Variants in MYCBP2 observed in about 807,000 individuals in gnomAD.
The protein encoded by MYCBP2 is E3 ubiquitin-protein ligase MYCBP2.
In MYCBP2, 120 loss-of-function variants were observed where a neutral mutation model predicts 525.3. The ratio of observed to expected loss-of-function variants is 0.23; its 90% CI spans 0.20 to 0.27. The LOEUF is 0.27. Among genes scored for constraint, MYCBP2 ranks in the 10% least tolerant of loss-of-function variants. The probability of loss-of-function intolerance (pLI) is 1.00; values close to 1 mark genes in which losing one functional copy is unlikely to be tolerated. For synonymous variants in MYCBP2, 1,894 were observed against 1,955.8 expected (o/e 0.97, Z 0.83); for missense variants, 4,149 against 5,657.1 (o/e 0.73, Z 8.55).
chr13:77,198,451 T>C (rs2062005139), intron 26 of MYCBP2, among the ~76,000 whole-genome samples: 1 of 152,206 alleles, frequency 6.6e-6, no homozygotes, highest in Non-Finnish European at 1.5e-5. Flanking sequence ...TTTTAGATAT[T>C]ATTGAGAGAA....
intron 2 of MYCBP2, among the ~76,000 whole-genome samples, chr13:77,296,046 G>T (rs956731856): frequency 2.6e-5 from 4 of 152,104 alleles, no homozygotes; most frequent in African/African-American, 4.8e-5. Context: ...TTCCCCAAAG[G>T]ACTGATCAAA....
At chr13:77,223,238 T>C (rs2065833333) in intron 20 of MYCBP2, among the ~76,000 whole-genome samples, 1 of 152,202 alleles carries the variant, frequency 6.6e-6, no homozygotes, top group Non-Finnish European at 1.5e-5. Flanking sequence ...GGTATGAATG[T>C]TGGTCTATTC....
chr13:77,066,606 C>T (rs889516529), intron 71 of MYCBP2, among the ~76,000 whole-genome samples: 3 of 152,088 alleles, frequency 2.0e-5, no homozygotes, highest in Admixed American at 2.0e-4. Flanking sequence ...GCATATATAC[C>T]TTGGTGCAAA....
chr13:77,221,990 T>C (rs994635645), intron 20 of MYCBP2, among the ~76,000 whole-genome samples: 2 of 152,338 alleles, frequency 1.3e-5, no homozygotes, highest in Middle Eastern at 3.4e-3. Context: ...TAATAGTTGT[T>C]ATACTCTGTT....
intron 3 of MYCBP2, among the ~76,000 whole-genome samples, chr13:77,282,589 C>T (rs368107169): frequency 6.6e-6 from 1 of 152,054 alleles, no homozygotes; most frequent in African/African-American, 2.4e-5. Context: ...TTGATCCCAC[C>T]CCCTCCGATC....
chr13:77,286,752 T>A (rs1192137063), intron 3 of MYCBP2, among the ~76,000 whole-genome samples: 3 of 16,646 alleles, frequency 1.8e-4, no homozygotes, highest in Middle Eastern at 0.083. Context: ...CTAGACTCCG[T>A]CTCAAAAAAA....
rs868549422 is a variant in MYCBP2, at chr13:77,093,072, G to A, written c.10367+93C>T. On this transcript the variant is annotated intron_variant, in intron 59 of 82. Transcript: ENST00000544440. Reference sequence around the variant, plus strand: ...CAGTTAGCAAAACTGGCTCACAGATGTATTAAAGAACTTCTACAGGACTCT... The same window carrying A: ...CAGTTAGCAAAACTGGCTCACAGATATATTAAAGAACTTCTACAGGACTCT... The A allele has an allele frequency of 1.3e-5, 16 of 1,246,282 alleles. 1 individual carries two copies. The Middle Eastern group carries it at 2.8e-3, about 215-fold the overall frequency. 77.2% of individuals were successfully genotyped at this position (1,246,282 alleles called of 1,614,324 possible). A position where few individuals can be genotyped will look rare whatever the true frequency, so the allele number is the denominator to read the frequency against.
intron 55 of MYCBP2, chr13:77,109,976 C>G (rs758296905): frequency 2.0e-5 from 3 of 152,130 alleles, no homozygotes; most frequent in Non-Finnish European, 4.4e-5. Flanking sequence ...GAATGTACGT[C>G]ACCTCAGGAC....
chr13:77,245,404 A>G (rs1481105071), intron 15 of MYCBP2, among the ~76,000 whole-genome samples: 1 of 152,216 alleles, frequency 6.6e-6, no homozygotes, highest in Non-Finnish European at 1.5e-5. Context: ...GCACATATTC[A>G]CTATGGAATA....
intron 51 of MYCBP2, 41 bp from the exon 52 acceptor site, chr13:77,139,377 A>G: frequency 6.3e-7 from 1 of 1,597,328 alleles, no homozygotes; most frequent in Non-Finnish European, 8.5e-7. Flanking sequence ...GCCTTCCTGT[A>G]AGTCCTATGA....
intron 16 of MYCBP2, 22 bp downstream of exon 16, chr13:77,243,784 T>C (rs1282787163): frequency 2.5e-6 from 4 of 1,610,240 alleles, no homozygotes; most frequent in African/African-American, 2.7e-5. Flanking sequence ...CAGTGTAGCA[T>C]AGTATAATCA....
At chr13:77,182,770 G>A (rs77276886) in intron 32 of MYCBP2, among the ~76,000 whole-genome samples, 3,902 of 152,302 alleles carry the variant, frequency 0.026, 81 homozygotes, top group East Asian at 0.052. Context: ...GAAGGAGGGC[G>A]GGGAGGCCTA....
chr13:77,267,424 T>TA (rs2074265833), intron 8 of MYCBP2, among the ~76,000 whole-genome samples: 5 of 147,350 alleles, frequency 3.4e-5, no homozygotes, highest in South Asian at 4.2e-4. Flanking sequence ...TAAATTAAAT[T>TA]AAATAAAATT....
At chr13:77,242,035 T>G (rs551095334) in intron 17 of MYCBP2, among the ~76,000 whole-genome samples, 1 of 152,324 alleles carries the variant, frequency 6.6e-6, no homozygotes, top group African/African-American at 2.4e-5. Context: ...AAAAAAAATT[T>G]ACTGAGCAAG....
chr13:77,196,043 A>T (rs577726588), intron 26 of MYCBP2, among the ~76,000 whole-genome samples: 1 of 152,204 alleles, frequency 6.6e-6, no homozygotes, highest in Non-Finnish European at 1.5e-5. Flanking sequence ...GAGTAAGTCT[A>T]TGGTTGGGAA....
intron 26 of MYCBP2, among the ~76,000 whole-genome samples, chr13:77,202,657 C>T (rs928475779): frequency 9.9e-5 from 15 of 151,814 alleles, no homozygotes; most frequent in African/African-American, 3.4e-4. Flanking sequence ...AAAATACTGG[C>T]AAAACGAATC....
At chr13:77,251,955 C>T (rs2071287550) in intron 14 of MYCBP2, among the ~76,000 whole-genome samples, 1 of 152,064 alleles carries the variant, frequency 6.6e-6, no homozygotes, top group South Asian at 2.1e-4. Context: ...CTCTTCCTTC[C>T]TCATTTACAA....
At chr13:77,086,782 G>A (rs1044155156) in intron 62 of MYCBP2, among the ~76,000 whole-genome samples, 11 of 151,266 alleles carry the variant, frequency 7.3e-5, no homozygotes, top group Non-Finnish European at 1.2e-4. Flanking sequence ...GTTCTTTATC[G>A]AATCCATCAT....
In MYCBP2 at chr13:77,072,102, C is replaced by T. The variant is rs149822734; in HGVS notation, c.11824-1391G>A. On this transcript the variant is annotated intron_variant, in intron 68 of 82. Transcript: ENST00000544440. ...AGGAGATCGAGACCATCCTGGCTAA[C>T]GTGGTGAAACCCCATCTCTACTAAA... 4.6e-3 allele frequency among the ~76,000 whole-genome samples: 693 copies of T among 151,800 alleles called. 35 individuals are homozygous for T. In the East Asian group the frequency reaches 0.11, roughly 24 times the overall value.
Sources: gnomAD v4.1 joint callset for allele counts (sites outside exome capture counted in the v4.1 genomes callset) on GRCh38, gnomAD v4.1.1 for gene constraint, MANE v1.5 for transcripts, NCBI Gene and HGNC (gene_info 2026-07-23, HGNC 2026-07-21) for gene names.